Variants in GABRA2 observed in about 807,000 individuals in gnomAD.
GABRA2 encodes the protein gamma-aminobutyric acid receptor subunit alpha-2.
In GABRA2, 16 loss-of-function variants were observed where a neutral mutation model predicts 48.7. The observed-to-expected ratio is 0.33, with a 90% CI of 0.22 to 0.50. GABRA2 has a LOEUF of 0.50. GABRA2 is among the 20% of genes least tolerant of loss of function. GABRA2 has a pLI of 0.98. For missense variants in GABRA2, 275 were observed against 535.6 expected (o/e 0.51, Z 4.80); for synonymous variants, 185 against 184.5 (o/e 1.00, Z -0.02).
At position 46,266,598 on chromosome 4, in the gene GABRA2, T is replaced by C. The variant is rs551690781; in HGVS notation, c.857-4470A>G. Among the ~76,000 whole-genome samples the C allele has an allele frequency of 6.6e-5, 10 of 151,616 alleles. No individual in the cohort carries two copies. In the South Asian group the frequency reaches 1.5e-3, roughly 22 times the overall value. ...GGCATTCCACAGTTTTATTATGATA[T>C]ATCCAGTTGTGATTTCTTAGCGTTT... On this transcript the variant is annotated intron_variant, in intron 8 of 9. Transcript: ENST00000381620.
intron 8 of GABRA2, among the ~76,000 whole-genome samples, chr4:46,296,108 T>C (rs1724596324): frequency 6.6e-6 from 1 of 152,168 alleles, no homozygotes; most frequent in South Asian, 2.1e-4. Flanking sequence ...TTTGCAGGGC[T>C]GGGGCAAAGT....
At chr4:46,339,902 A>G (rs1444259486) in intron 3 of GABRA2, among the ~76,000 whole-genome samples, 1 of 151,734 alleles carries the variant, frequency 6.6e-6, no homozygotes, top group African/African-American at 2.4e-5. Flanking sequence ...TTCTATATAC[A>G]GCTGTCTACT....
intron 3 of GABRA2, among the ~76,000 whole-genome samples, chr4:46,336,698 G>T (rs912367109): frequency 6.6e-6 from 1 of 152,086 alleles, no homozygotes; most frequent in Admixed American, 6.6e-5. Flanking sequence ...AATTCAGGAT[G>T]GTGAAAGAGA....
chr4:46,346,459 C>CT (rs1333791101), intron 3 of GABRA2, among the ~76,000 whole-genome samples: 1 of 151,362 alleles, frequency 6.6e-6, no homozygotes, highest in Admixed American at 6.6e-5. Context: ...TAGTATAGTT[C>CT]TAAGTTTTGT....
At chr4:46,388,742 C>A (rs761614834) in intron 1 of GABRA2, 26 bp from the exon 2 acceptor site, 15 of 1,612,588 alleles carry the variant, frequency 9.3e-6, no homozygotes, top group Non-Finnish European at 1.1e-5. Context: ...GAATGAAAAA[C>A]AAAATACACT....
In GABRA2 at chr4:46,246,586, G is replaced by A. The variant is rs1713751681; in HGVS notation, c.*3722C>T. Among the ~76,000 whole-genome samples the A allele has an allele frequency of 6.6e-6, 1 of 151,146 alleles. No homozygotes were observed. The highest frequency in any genetic ancestry group is 1.5e-5 in the Non-Finnish European group (1 of 67,414). On this transcript the variant is annotated 3_prime_UTR_variant, in exon 10 of 10. Transcript: ENST00000381620. ...ATGAATGGCACTATAGGGTAGCAAT[G>A]AGTCAGGTAGTAATCCCCTTAAAAT... is the stretch of plus-strand genomic sequence containing the variant.
intron 8 of GABRA2, among the ~76,000 whole-genome samples, chr4:46,273,928 A>G (rs1184695866): frequency 3.9e-5 from 6 of 152,068 alleles, no homozygotes; most frequent in Non-Finnish European, 8.8e-5. Flanking sequence ...GATTTAGGTA[A>G]CAAACTGAAA....
chr4:46,349,774 A>G (rs2109900403), intron 3 of GABRA2, among the ~76,000 whole-genome samples: 1 of 152,080 alleles, frequency 6.6e-6, no homozygotes, highest in Non-Finnish European at 1.5e-5. Flanking sequence ...TCTTAAAAAT[A>G]AATTTAGCTT....
rs566803469 is a variant in GABRA2 at position 46,260,351 on chromosome 4, G to A, written c.1059+1575C>T. Among the ~76,000 whole-genome samples the A allele has an allele frequency of 2.0e-5, 3 of 151,930 alleles. No individual in the cohort carries two copies. The South Asian group carries it at 6.2e-4, about 32-fold the overall frequency. On this transcript the variant is annotated intron_variant, in intron 9 of 9. Coordinates refer to ENST00000381620, the MANE Select transcript of GABRA2 (RefSeq NM_000807.4). ...CCTGGCTATGTGTAATTTGGCATATGGATAGACTTAAATCCACTATACATG... is the reference window on the plus strand; with the variant it reads ...CCTGGCTATGTGTAATTTGGCATATAGATAGACTTAAATCCACTATACATG...
chr4:46,377,390 C>T (rs1349525486), intron 3 of GABRA2, among the ~76,000 whole-genome samples: 1 of 151,594 alleles, frequency 6.6e-6, no homozygotes, highest in Admixed American at 6.6e-5. Flanking sequence ...CCCTGCCGCC[C>T]CGTCCGGGAT....
At chr4:46,313,657 A>G (rs1728064852) in intron 4 of GABRA2, among the ~76,000 whole-genome samples, 1 of 151,952 alleles carries the variant, frequency 6.6e-6, no homozygotes, top group Admixed American at 6.6e-5. Flanking sequence ...TGAGATATAC[A>G]ATGCACAATT....
intron 3 of GABRA2, among the ~76,000 whole-genome samples, chr4:46,333,509 C>T (rs1731720094): frequency 6.6e-6 from 1 of 151,990 alleles, no homozygotes; most frequent in African/African-American, 2.4e-5. Flanking sequence ...ATGTCTTATC[C>T]ATTAGCTGTC....
At chr4:46,309,851 C>T (rs58526837) in intron 6 of GABRA2, among the ~76,000 whole-genome samples, 12,568 of 151,960 alleles carry the variant, frequency 0.083, 1,700 homozygotes, top group African/African-American at 0.29. Flanking sequence ...GAAAAAGAAA[C>T]ATTTGAGTTT....
chr4:46,266,804 C>A (rs188227495), intron 8 of GABRA2, among the ~76,000 whole-genome samples: 7 of 149,322 alleles, frequency 4.7e-5, no homozygotes, highest in Non-Finnish European at 1.0e-4. Flanking sequence ...TTACTGCAAC[C>A]TTTGCCTCCC....
chr4:46,270,013 A>T (rs985746584), intron 8 of GABRA2, among the ~76,000 whole-genome samples: 1 of 151,966 alleles, frequency 6.6e-6, no homozygotes, highest in African/African-American at 2.4e-5. Flanking sequence ...AAAAAACTAA[A>T]AACATTTACA....
intron 3 of GABRA2, among the ~76,000 whole-genome samples, chr4:46,342,630 C>T (rs1039943600): frequency 2.0e-5 from 3 of 151,938 alleles, no homozygotes; most frequent in Non-Finnish European, 4.4e-5. Flanking sequence ...AGAAGCATAG[C>T]TTACTCTCTC....
At chr4:46,312,769 A>T (rs1051042954) in intron 4 of GABRA2, 53 bp from the exon 5 acceptor site, 8 of 910,058 alleles carry the variant, frequency 8.8e-6, no homozygotes, top group Non-Finnish European at 1.1e-5. Flanking sequence ...TAGACACAAG[A>T]CACGGTAAAA....
chr4:46,386,153 T>G lies in GABRA2; in HGVS notation c.108A>C (p.Lys36Asn). The G allele has an allele frequency of 6.2e-7, 1 of 1,611,298 alleles. No homozygotes were observed. The highest frequency in any genetic ancestry group is 8.5e-7 in the Non-Finnish European group (1 of 1,178,930). The change falls in exon 3 of 10, where the codon AAA becomes AAC. Residue 36 changes from lysine to asparagine, a missense_variant. Lys to Asn is a moderately conservative substitution (Grantham distance 94). Around this residue, in one of 4 missense-constraint regions of GABRA2, gnomAD observed 39 missense variants for 40.5 expected, o/e 0.96. Coordinates refer to ENST00000381620, the MANE Select transcript of GABRA2 (RefSeq NM_000807.4). ...VLANIQEDEAKNNITIFTRIL... is the reference protein window; with the variant it reads ...VLANIQEDEANNNITIFTRIL... ...TTCTCGTAAAGATGGTAATGTTATTTTTAGCCTCATCTTCTTGGATGTTAG... is the reference window on the plus strand; with the variant it reads ...TTCTCGTAAAGATGGTAATGTTATTGTTAGCCTCATCTTCTTGGATGTTAG...
At chr4:46,284,667 T>C (rs1722180529) in intron 8 of GABRA2, among the ~76,000 whole-genome samples, 1 of 152,162 alleles carries the variant, frequency 6.6e-6, no homozygotes, top group African/African-American at 2.4e-5. Context: ...CACATTCTAA[T>C]TTTAACTTCT....
Sources: gnomAD v4.1 joint callset for allele counts (sites outside exome capture counted in the v4.1 genomes callset) on GRCh38, gnomAD v4.1.1 for gene constraint, gnomAD v4.1.1 regional missense constraint, MANE v1.5 for transcripts, NCBI Gene and HGNC (gene_info 2026-07-23, HGNC 2026-07-21) for gene names.